CCK: variants seen among roughly 807,000 people sequenced by gnomAD.
CCK encodes cholecystokinin triacontatriapeptide.
In CCK, 11 loss-of-function variants were observed where a neutral mutation model predicts 10.1. That is an observed-to-expected ratio of 1.09 (90% confidence interval 0.69 to 1.81). The LOEUF is 1.81. Among genes scored for constraint, CCK ranks in the 40% most tolerant of loss-of-function variants. The pLI, the probability that CCK is intolerant of heterozygous loss-of-function variation, is 0.00. For synonymous variants in CCK, 83 were observed against 71.9 expected (o/e 1.15, Z -0.78); for missense variants, 137 against 159.9 (o/e 0.86, Z 0.77).
At chr3:42,259,203 G>C (rs941527431) in intron 4 of CCK, among the ~76,000 whole-genome samples, 1 of 152,056 alleles carries the variant, frequency 6.6e-6, no homozygotes, top group Admixed American at 6.5e-5. Flanking sequence ...GGCCTATCGG[G>C]GGGTGGGGGT....
intron 4 of CCK, among the ~76,000 whole-genome samples, chr3:42,260,895 G>C (rs191394727): frequency 2.0e-5 from 3 of 152,162 alleles, no homozygotes; most frequent in Non-Finnish European, 2.9e-5. Context: ...AGGCCCTCCT[G>C]GGGGGAGCAG....
At chr3:42,263,179 T>C in intron 4 of CCK, 1 of 632,614 alleles carries the variant, frequency 1.6e-6, no homozygotes, top group Non-Finnish European at 2.8e-6. Flanking sequence ...GTGTTGAACT[T>C]AATCAGCAAC....
chr3:42,259,460 TG>T (rs758077798), intron 4 of CCK, among the ~76,000 whole-genome samples: 5 of 152,212 alleles, frequency 3.3e-5, no homozygotes, highest in Non-Finnish European at 5.9e-5. Context: ...TGTTTTGAGT[TG>T]ATGATCATTT....
At chr3:42,263,694 C>T in intron 3 of CCK, 62 bp from the exon 4 acceptor site, 1 of 1,457,820 alleles carries the variant, frequency 6.9e-7, no homozygotes, top group South Asian at 1.4e-5. Flanking sequence ...GCTCCTGCGG[C>T]GGGCCGGGCA....
intron 4 of CCK, among the ~76,000 whole-genome samples, chr3:42,262,665 A>G (rs1711233446): frequency 6.6e-6 from 1 of 152,210 alleles, no homozygotes; most frequent in Non-Finnish European, 1.5e-5. Flanking sequence ...GTCACAAGAG[A>G]TGAATGGGCC....
In CCK at chr3:42,258,021, G is replaced by A; in HGVS notation, c.*77C>T. 2.1e-6 allele frequency: 3 copies of A among 1,406,932 alleles called. No individual in the cohort carries two copies. In the South Asian group the frequency reaches 4.0e-5, roughly 19 times the overall value. 87.2% of individuals were successfully genotyped at this position (1,406,932 alleles called of 1,614,324 possible). On this transcript the variant is annotated 3_prime_UTR_variant, in exon 5 of 5. Coordinates refer to ENST00000396169, the MANE Select transcript of CCK (RefSeq NM_000729.6). Reference sequence around the variant, plus strand: ...TCAAACTCCACAGACAATGAGTTATGAGTGTGATTGTTTTCTTATTCTGCC... The same window carrying A: ...TCAAACTCCACAGACAATGAGTTATAAGTGTGATTGTTTTCTTATTCTGCC...
At chr3:42,262,856 G>A (rs1217973795) in intron 4 of CCK, 1 of 168,358 alleles carries the variant, frequency 5.9e-6, no homozygotes, top group Non-Finnish European at 1.3e-5. Context: ...CTCTGCAACA[G>A]TAAAGTAAAA....
chr3:42,262,753 C>CGGCT (rs11571851), intron 4 of CCK, among the ~76,000 whole-genome samples: 71,744 of 151,772 alleles, frequency 0.47, 17,420 homozygotes, highest in South Asian at 0.63. Flanking sequence ...GCATGCCACT[C>CGGCT]GGCTAGTGAG....
At chr3:42,263,752 C>G in intron 3 of CCK, 120 bp from the exon 4 acceptor site, 1 of 1,413,094 alleles carries the variant, frequency 7.1e-7, no homozygotes, top group Non-Finnish European at 9.2e-7. Flanking sequence ...ACCCGCCAGG[C>G]CGCCGCAAGC....
At chr3:42,261,211 T>C (rs1711205512) in intron 4 of CCK, among the ~76,000 whole-genome samples, 1 of 152,204 alleles carries the variant, frequency 6.6e-6, no homozygotes, top group Admixed American at 6.5e-5. Flanking sequence ...GCTCAAAGAA[T>C]GCATTGTCTT....
intron 4 of CCK, among the ~76,000 whole-genome samples, chr3:42,260,540 TGTATTTACCAG>T (rs1042585650): frequency 2.7e-4 from 41 of 152,334 alleles, no homozygotes; most frequent in Middle Eastern, 3.4e-3. Flanking sequence ...TCATGTCATG[TGTATTTACCAG>T]GGTCCTCACT....
intron 4 of CCK, among the ~76,000 whole-genome samples, chr3:42,261,629 T>C (rs545362702): frequency 3.9e-4 from 60 of 152,044 alleles, no homozygotes; most frequent in African/African-American, 1.4e-3. Flanking sequence ...TTCTTTTTTT[T>C]CCCTAGAGCA....
chr3:42,260,432 G>A (rs957024165), intron 4 of CCK, among the ~76,000 whole-genome samples: 1 of 152,174 alleles, frequency 6.6e-6, no homozygotes, highest in Non-Finnish European at 1.5e-5. Flanking sequence ...TTCAATACGA[G>A]CAAGCAGCCT....
In CCK at chr3:42,263,405, C is replaced by T; in HGVS notation, c.214+12G>A. 1.9e-6 allele frequency: 3 copies of T among 1,614,200 alleles called. No individual in the cohort carries two copies. Among genetic ancestry groups the T allele is most frequent in the Non-Finnish European group, 1.7e-6 (2 of 1,180,028 alleles). ...AGGGCAGAAGTGAGGGATGGGGAGG[C>T]AGCATTCTTACCTTTCCGGGCCTGC... is the stretch of plus-strand genomic sequence containing the variant. On this transcript the variant is annotated intron_variant, in intron 4 of 4. Transcript: ENST00000396169.
rs998540296 is a variant in CCK, at chr3:42,262,224, T to C, written c.214+1193A>G. ...AGCAGTGTTTGCTAAGTTCTTTTTT[T>C]TTTTTTTTTTTTTTTTAGACAGTTT... On this transcript the variant is annotated intron_variant, in intron 4 of 4. Coordinates refer to ENST00000396169, the MANE Select transcript of CCK (RefSeq NM_000729.6). Among the ~76,000 whole-genome samples, 18 of 147,334 alleles carry C rather than the reference T, an allele frequency of 1.2e-4. No homozygotes were observed. The South Asian group carries it at 3.9e-3, about 32-fold the overall frequency.
chr3:42,262,474 C>A (rs190648935), intron 4 of CCK, among the ~76,000 whole-genome samples: 1 of 152,136 alleles, frequency 6.6e-6, no homozygotes, highest in Admixed American at 6.5e-5. Context: ...CCTGCCTCAG[C>A]CCCCCAAAGT....
At position 42,266,056 on chromosome 3, in the gene CCK, G is replaced by A. The variant is rs1711284339; in HGVS notation, c.-755C>T. 1 of 152,292 alleles carries A rather than the reference G, an allele frequency of 6.6e-6. No individual in the cohort carries two copies. The highest frequency in any genetic ancestry group is 1.5e-5 in the Non-Finnish European group (1 of 68,136). The allele number at this position is 152,292 out of a possible 1,614,324, so 9.4% of individuals were successfully genotyped here. On this transcript the variant is annotated 5_prime_UTR_variant, in exon 1 of 5. Transcript: ENST00000396169. ...CAGCCTGGGACCTGGAGATCACCAGGCCTTGAACCTTGGGACCTCAACTCC... is the reference window on the plus strand; with the variant it reads ...CAGCCTGGGACCTGGAGATCACCAGACCTTGAACCTTGGGACCTCAACTCC...
intron 4 of CCK, among the ~76,000 whole-genome samples, chr3:42,261,795 C>T (rs1414619896): frequency 6.6e-6 from 1 of 152,106 alleles, no homozygotes; most frequent in African/African-American, 2.4e-5. Flanking sequence ...ACTGGTCTGG[C>T]TGAAATTCAG....
At chr3:42,258,340 C>A (rs1398414646) in intron 4 of CCK, 109 bp from the exon 5 acceptor site, 4 of 1,213,038 alleles carry the variant, frequency 3.3e-6, no homozygotes, top group Non-Finnish European at 4.7e-6. Flanking sequence ...TAACAGACAC[C>A]ACCTTAAAGG....
Sources: allele counts gnomAD v4.1 joint callset (sites outside exome capture counted in the v4.1 genomes callset), GRCh38; gene constraint gnomAD v4.1.1; transcripts MANE v1.5; gene names NCBI Gene and HGNC (gene_info 2026-07-23, HGNC 2026-07-21).